STK32B: variants seen among roughly 807,000 people sequenced by gnomAD.
STK32B encodes the protein serine/threonine-protein kinase 32B.
Under a neutral mutation model 52.6 loss-of-function variants are expected in STK32B, and 43 were observed. The observed-to-expected ratio is 0.82, with a 90% CI of 0.64 to 1.05. STK32B has a LOEUF of 1.05. Ranked by LOEUF, STK32B falls within the 50% of genes least tolerant of loss-of-function variation. STK32B has a pLI of 0.00. For synonymous variants in STK32B, 238 were observed against 204.3 expected, an observed-to-expected ratio of 1.17 and a Z score of -1.41; for missense variants, 621 against 534.6, an observed-to-expected ratio of 1.16 and a Z score of -1.59.
intron 6 of STK32B, among the ~76,000 whole-genome samples, chr4:5,425,587 T>G (rs1194663728): frequency 6.8e-6 from 1 of 147,086 alleles, no homozygotes; most frequent in East Asian, 2.3e-4. Flanking sequence ...GGTTTGGCTG[T>G]TTGTGAGGGA....
intron 4 of STK32B, among the ~76,000 whole-genome samples, chr4:5,334,996 T>C (rs962198233): frequency 1.3e-4 from 20 of 152,102 alleles, no homozygotes; most frequent in Non-Finnish European, 2.8e-4. Flanking sequence ...CCTCATAAAA[T>C]GAGTTAAGGA....
chr4:5,255,476 C>A (rs560173040), intron 3 of STK32B, among the ~76,000 whole-genome samples: 1 of 151,462 alleles, frequency 6.6e-6, no homozygotes, highest in South Asian at 2.1e-4. Context: ...TGGTCTTAAC[C>A]AGATAGCTCA....
At chr4:5,302,648 G>A (rs967109879) in intron 3 of STK32B, among the ~76,000 whole-genome samples, 6 of 151,988 alleles carry the variant, frequency 3.9e-5, no homozygotes, top group African/African-American at 1.2e-4. Flanking sequence ...AACAGTTAGT[G>A]TTTGCTTAGA....
rs57722522 is a variant in STK32B, at chr4:5,196,723, A to AAAAATAAAATAAAATAAAAT, written c.260+28295_260+28314dup. ...GCGGCAGAGCGAGACTCTGTCTCAA[A>AAAAATAAAATAAAATAAAAT]AAAATAAAATAAAATAAAATAAAAT... is the stretch of plus-strand genomic sequence containing the variant. On this transcript the variant is annotated intron_variant, in intron 3 of 11. Transcript: ENST00000282908. Among the ~76,000 whole-genome samples the AAAAATAAAATAAAATAAAAT allele has an allele frequency of 2.7e-3, 389 of 145,510 alleles. 6 individuals are homozygous for AAAAATAAAATAAAATAAAAT. The East Asian group carries it at 0.05, about 19-fold the overall frequency.
chr4:5,307,545 TATC>T (rs1730004267), intron 3 of STK32B, among the ~76,000 whole-genome samples: 1 of 135,140 alleles, frequency 7.4e-6, no homozygotes, highest in African/African-American at 3.6e-5. Flanking sequence ...TCATATGCTC[TATC>T]TTTTTTTTTT....
intron 2 of STK32B, among the ~76,000 whole-genome samples, chr4:5,149,960 C>T (rs1192609104): frequency 6.6e-6 from 1 of 151,778 alleles, no homozygotes; most frequent in Non-Finnish European, 1.5e-5. Flanking sequence ...ATTTATTTCT[C>T]CTTCTTTCTT....
Position 5,386,750 on chromosome 4 carries a change from G to A in STK32B, c.435-11457G>A, listed in dbSNP as rs1265150869. ...CATCTAAACGTAGGTCCCCTCATCT[G>A]GAAAATGACCAGGTCGTTCCGGGTG... On this transcript the variant is annotated intron_variant, in intron 4 of 11. Transcript: ENST00000282908. The surrounding 1 kb of genome is among the most constrained non-coding windows in gnomAD (Gnocchi z 4.5). 6.6e-6 allele frequency among the ~76,000 whole-genome samples: 1 copy of A among 152,176 alleles called. No homozygotes were observed. The highest frequency in any genetic ancestry group is 2.4e-5 in the African/African-American group (1 of 41,448).
chr4:5,455,712 C>T (rs191612978), intron 7 of STK32B, among the ~76,000 whole-genome samples: 2 of 152,236 alleles, frequency 1.3e-5, no homozygotes, highest in Non-Finnish European at 2.9e-5. Context: ...CGTTCACTGT[C>T]GCCATGCTCT....
At chr4:5,239,084 G>A (rs1724823901) in intron 3 of STK32B, among the ~76,000 whole-genome samples, 1 of 152,130 alleles carries the variant, frequency 6.6e-6, no homozygotes, top group African/African-American at 2.4e-5. Context: ...ATTCCATGCT[G>A]CAGGAGCAGT....
At chr4:5,200,208 A>G (rs1343252677) in intron 3 of STK32B, among the ~76,000 whole-genome samples, 1 of 151,036 alleles carries the variant, frequency 6.6e-6, no homozygotes, top group Non-Finnish European at 1.5e-5. Flanking sequence ...GAAGTATCTC[A>G]GTATATACAC....
chr4:5,220,965 C>G (rs1427621403), intron 3 of STK32B, among the ~76,000 whole-genome samples: 1 of 152,198 alleles, frequency 6.6e-6, no homozygotes, highest in Non-Finnish European at 1.5e-5. Context: ...CTCTTTCTAC[C>G]TCTCATAGCC....
chr4:5,338,829 T>C (rs1311701512), intron 4 of STK32B, among the ~76,000 whole-genome samples: 1 of 152,222 alleles, frequency 6.6e-6, no homozygotes, highest in Non-Finnish European at 1.5e-5. Context: ...TAAAGTCTAC[T>C]AGGCAAATGT....
intron 1 of STK32B, 72 bp from the exon 2 acceptor site, chr4:5,139,833 G>C: frequency 6.3e-7 from 1 of 1,578,464 alleles, no homozygotes; most frequent in Non-Finnish European, 8.7e-7. Context: ...TAGGTACATA[G>C]GTAAGGATAT....
chr4:5,027,851 G>A, the STK32B span, among the ~76,000 whole-genome samples: 6 of 152,102 alleles, frequency 3.9e-5, no homozygotes, highest in Admixed American at 6.5e-5. Context: ...CTTTTGCTCT[G>A]GAGTGTGCAA....
At chr4:5,246,360 C>T (rs1249604638) in intron 3 of STK32B, among the ~76,000 whole-genome samples, 5 of 152,286 alleles carry the variant, frequency 3.3e-5, no homozygotes, top group East Asian at 3.9e-4. Context: ...TCCAGTTGAT[C>T]GCATTGGTTA....
chr4:5,146,605 T>G (rs1443313853), intron 2 of STK32B, among the ~76,000 whole-genome samples: 1 of 152,194 alleles, frequency 6.6e-6, no homozygotes, highest in Non-Finnish European at 1.5e-5. Context: ...CAGTCTCTTA[T>G]GGCAACACCC....
At chr4:5,103,249 G>A (rs1333325103) in intron 1 of STK32B, among the ~76,000 whole-genome samples, 1 of 151,872 alleles carries the variant, frequency 6.6e-6, no homozygotes, top group African/African-American at 2.4e-5. Context: ...CTCAGCTTAC[G>A]AAGTGAAACA....
Position 5,480,040 on chromosome 4 carries a change from G to C in STK32B, c.1106+11970G>C, listed in dbSNP as rs374424789. Among the ~76,000 whole-genome samples, 194 of 152,248 alleles carry C rather than the reference G, an allele frequency of 1.3e-3. 2 individuals are homozygous for C. Among genetic ancestry groups the C allele is most frequent in the South Asian group, 4.1e-3 (20 of 4,822 alleles). On this transcript the variant is annotated intron_variant, in intron 11 of 11. Coordinates refer to ENST00000282908, the MANE Select transcript of STK32B (RefSeq NM_018401.3). ...TTAATATGTACTTCATAGGATTGTCGTAAGAACAAATGGCACACATGTTAA... is the reference window on the plus strand; with the variant it reads ...TTAATATGTACTTCATAGGATTGTCCTAAGAACAAATGGCACACATGTTAA...
chr4:5,412,731 C>T (rs1711800669), intron 5 of STK32B, among the ~76,000 whole-genome samples: 1 of 152,194 alleles, frequency 6.6e-6, no homozygotes, highest in African/African-American at 2.4e-5. Context: ...GACACCTATT[C>T]TGCACCAGTT....
Sources: allele counts gnomAD v4.1 joint callset (sites outside exome capture counted in the v4.1 genomes callset), GRCh38; gene constraint gnomAD v4.1.1; non-coding constraint Gnocchi (gnomAD v3.1); transcripts MANE v1.5; gene names NCBI Gene and HGNC (gene_info 2026-07-23, HGNC 2026-07-21).